FAT3: variants seen among roughly 807,000 people sequenced by gnomAD.
FAT3 encodes FAT atypical cadherin 3, also known as protocadherin Fat 3.
A neutral mutation model predicts 310.2 loss-of-function variants in FAT3; 95 were observed. The ratio of observed to expected loss-of-function variants is 0.31; its 90% confidence interval spans 0.26 to 0.36. The LOEUF is 0.36. FAT3 is among the 10% of genes least tolerant of loss of function. The probability of loss-of-function intolerance (pLI) is 1.00; values close to 1 mark genes in which losing one functional copy is unlikely to be tolerated. For synonymous variants in FAT3, 2,314 were observed against 2,192.9 expected (o/e 1.06, Z -1.54); for missense variants, 5,408 against 5,715.6 (o/e 0.95, Z 1.74).
At chr11:92,833,247 A>C (rs1360348757) in intron 14 of FAT3, among the ~76,000 whole-genome samples, 1 of 152,180 alleles carries the variant, frequency 6.6e-6, no homozygotes, top group Non-Finnish European at 1.5e-5. Flanking sequence ...ATGAATAGTC[A>C]AGGAAGTTCC....
chr11:92,582,852 T>A (rs1938889954), intron 3 of FAT3, among the ~76,000 whole-genome samples: 1 of 152,058 alleles, frequency 6.6e-6, no homozygotes. Flanking sequence ...AATATTATCT[T>A]AATGTAGGGA....
At chr11:92,312,868 T>C (rs1394895932) in intron 1 of FAT3, among the ~76,000 whole-genome samples, 3 of 152,180 alleles carry the variant, frequency 2.0e-5, no homozygotes, top group African/African-American at 7.2e-5. Context: ...TAGTTTAGAC[T>C]GGGTCTTGAA....
chr11:92,779,361 TGGGGCAGGAGC>T (rs1220474189), intron 7 of FAT3, among the ~76,000 whole-genome samples: 1 of 152,064 alleles, frequency 6.6e-6, no homozygotes, highest in Non-Finnish European at 1.5e-5. Flanking sequence ...ATTGCAGGTT[TGGGGCAGGAGC>T]CTAGGGCATC....
At chr11:92,491,295 A>G (rs144137554) in intron 2 of FAT3, among the ~76,000 whole-genome samples, 1 of 151,984 alleles carries the variant, frequency 6.6e-6, no homozygotes, top group African/African-American at 2.4e-5. Flanking sequence ...ATTTGCCACA[A>G]CTGGCCAGGT....
chr11:92,556,699 G>GT (rs1955033084), intron 3 of FAT3, among the ~76,000 whole-genome samples: 2 of 152,136 alleles, frequency 1.3e-5, no homozygotes, highest in Non-Finnish European at 1.5e-5. Flanking sequence ...TTATCATGCT[G>GT]TAACTCTGGG....
At chr11:92,301,204 G>T (rs1946988876) in intron 1 of FAT3, among the ~76,000 whole-genome samples, 1 of 152,122 alleles carries the variant, frequency 6.6e-6, no homozygotes, top group African/African-American at 2.4e-5. Flanking sequence ...CATTTGAAAG[G>T]GAAGAGAGCC....
At chr11:92,606,699 C>T (rs184297744) in intron 3 of FAT3, among the ~76,000 whole-genome samples, 1 of 152,296 alleles carries the variant, frequency 6.6e-6, no homozygotes, top group East Asian at 1.9e-4. Context: ...TCTTAGAATT[C>T]AGGAAGCTGA....
rs146748942 is a variant in FAT3, at chr11:92,526,236, T to G, written c.3607+1288T>G. ...AACTTTCCTGGGAAGCCCTCCTGAT[T>G]TACTTTTTGGTATGGCAAAGAGCTC... On this transcript the variant is annotated intron_variant, in intron 3 of 27. Coordinates refer to ENST00000525166, the MANE Select transcript of FAT3 (RefSeq NM_001367949.2). Among the ~76,000 whole-genome samples the G allele has an allele frequency of 2.2e-3, 335 of 152,280 alleles. 1 individual carries two copies. The highest frequency in any genetic ancestry group is 7.6e-3 in the African/African-American group (317 of 41,564).
chr11:92,468,578 T>G (rs1951831917), intron 2 of FAT3, among the ~76,000 whole-genome samples: 1 of 152,146 alleles, frequency 6.6e-6, no homozygotes. Context: ...ATGCTATTAA[T>G]AAAGACATAC....
At chr11:92,837,070 G>A (rs570616032) in intron 16 of FAT3, among the ~76,000 whole-genome samples, 2 of 152,140 alleles carry the variant, frequency 1.3e-5, no homozygotes, top group South Asian at 2.1e-4. Flanking sequence ...TCACCTGAAG[G>A]CATCTAGGTC....
chr11:92,758,023 A>G (rs925957910), intron 4 of FAT3, among the ~76,000 whole-genome samples: 3 of 152,208 alleles, frequency 2.0e-5, no homozygotes, highest in Non-Finnish European at 4.4e-5. Flanking sequence ...GAGTAGAATC[A>G]TAACACTAGA....
At chr11:92,400,378 C>T (rs572483881) in intron 2 of FAT3, 1 of 151,984 alleles carries the variant, frequency 6.6e-6, no homozygotes, top group African/African-American at 2.4e-5. Flanking sequence ...TGATTGTGTC[C>T]TTCTAAGTGT....
intron 1 of FAT3, among the ~76,000 whole-genome samples, chr11:92,337,251 C>A (rs1752451902): frequency 6.6e-6 from 1 of 152,136 alleles, no homozygotes; most frequent in Non-Finnish European, 1.5e-5. Flanking sequence ...ATGTGTGAGG[C>A]AAAGGGTAGT....
chr11:92,786,427 A>G (rs751263459), intron 7 of FAT3, among the ~76,000 whole-genome samples: 2 of 152,146 alleles, frequency 1.3e-5, no homozygotes, highest in Non-Finnish European at 2.9e-5. Flanking sequence ...TCTAACCTAT[A>G]GAAGAATGAG....
rs925612119 is a variant in FAT3, at chr11:92,396,460, C to T, written c.3292+41056C>T. 3.3e-5 allele frequency among the ~76,000 whole-genome samples: 5 copies of T among 152,228 alleles called. No individual in the cohort carries two copies. In the East Asian group the frequency reaches 7.7e-4, roughly 24 times the overall value. On this transcript the variant is annotated intron_variant, in intron 2 of 27. Transcript: ENST00000525166. ...CATACAGCCTGGCAATGGAAGATCCCGTCTACATGTATGGATAAAATCATG... is the reference window on the plus strand; with the variant it reads ...CATACAGCCTGGCAATGGAAGATCCTGTCTACATGTATGGATAAAATCATG...
chr11:92,514,253 T>C (rs924252147), intron 2 of FAT3, among the ~76,000 whole-genome samples: 6 of 152,178 alleles, frequency 3.9e-5, no homozygotes, highest in African/African-American at 1.4e-4. Context: ...CATTTAAATA[T>C]TAAGATGCCC....
chr11:92,527,696 A>G (rs1180293065), intron 3 of FAT3, among the ~76,000 whole-genome samples: 1 of 152,046 alleles, frequency 6.6e-6, no homozygotes, highest in Non-Finnish European at 1.5e-5. Context: ...AGCTCAAGGA[A>G]CTCTCTAATA....
intron 2 of FAT3, among the ~76,000 whole-genome samples, chr11:92,412,722 T>TATATATATATATATATACAC (rs1950307432): frequency 1.1e-4 from 2 of 17,740 alleles, no homozygotes; most frequent in African/African-American, 2.1e-4. Context: ...TATATATATA[T>TATATATATATATATATACAC]ATATATATAT....
intron 3 of FAT3, among the ~76,000 whole-genome samples, chr11:92,680,111 G>A (rs1371406003): frequency 1.3e-5 from 2 of 150,126 alleles, no homozygotes; most frequent in African/African-American, 2.4e-5. Context: ...GTGTGATTAA[G>A]TCTCATTTTT....
Sources: gnomAD v4.1 joint callset for allele counts (sites outside exome capture counted in the v4.1 genomes callset) on GRCh38, gnomAD v4.1.1 for gene constraint, MANE v1.5 for transcripts, NCBI Gene and HGNC (gene_info 2026-07-23, HGNC 2026-07-21) for gene names.